ARHGAP39: variants seen among roughly 807,000 people sequenced by gnomAD.
ARHGAP39 encodes the protein rho GTPase-activating protein 39.
ARHGAP39 carries 44 observed loss-of-function variants against 106.9 expected under a neutral mutation model. The ratio of observed to expected loss-of-function variants is 0.41; its 90% CI spans 0.32 to 0.53. ARHGAP39 has a LOEUF of 0.53. Among genes scored for constraint, ARHGAP39 ranks in the 20% least tolerant of loss-of-function variants. The pLI is 0.21. For synonymous variants in ARHGAP39, 768 were observed against 693.2 expected (o/e 1.11, Z -1.69); for missense variants, 1,496 against 1,577.3 (o/e 0.95, Z 0.87).
At chr8:144,549,434 G>A (rs1817612646) in intron 4 of ARHGAP39, among the ~76,000 whole-genome samples, 1 of 152,234 alleles carries the variant, frequency 6.6e-6, no homozygotes, top group African/African-American at 2.4e-5. Context: ...CTTTTACCCT[G>A]TTTCCTCTCT....
At chr8:144,593,604 G>A (rs1159338235) in intron 2 of ARHGAP39, among the ~76,000 whole-genome samples, 1 of 152,064 alleles carries the variant, frequency 6.6e-6, no homozygotes, top group Admixed American at 6.6e-5. Flanking sequence ...AACTTTTGTG[G>A]CCACCCGAGA....
intron 1 of ARHGAP39, among the ~76,000 whole-genome samples, chr8:144,669,506 C>CAAAAAAAAAAAAAAAAAAAA (rs55678140): frequency 3.3e-5 from 2 of 59,732 alleles, no homozygotes; most frequent in African/African-American, 1.3e-4. Flanking sequence ...GACTCGGTCT[C>CAAAAAAAAAAAAAAAAAAAA]AAAAAAAAAA....
chr8:144,649,448 T>A (rs1174246959), intron 1 of ARHGAP39, among the ~76,000 whole-genome samples: 1 of 147,400 alleles, frequency 6.8e-6, no homozygotes, highest in African/African-American at 2.5e-5. Flanking sequence ...AGACTCCGTC[T>A]CAAAAAATAA....
At chr8:144,629,431 C>T (rs7012972) in intron 1 of ARHGAP39, among the ~76,000 whole-genome samples, 1 of 152,076 alleles carries the variant, frequency 6.6e-6, no homozygotes, top group African/African-American at 2.4e-5. Flanking sequence ...GGCTTGGCTG[C>T]ATGGGCCCTG....
intron 2 of ARHGAP39, among the ~76,000 whole-genome samples, chr8:144,583,573 C>T (rs116822696): frequency 0.03 from 4,607 of 152,316 alleles, 123 homozygotes; most frequent in Admixed American, 0.067. Context: ...TTCTCCTCCA[C>T]TTTAACCCAC....
At chr8:144,633,388 G>A (rs1325582166) in intron 1 of ARHGAP39, among the ~76,000 whole-genome samples, 4 of 152,018 alleles carry the variant, frequency 2.6e-5, no homozygotes, top group Non-Finnish European at 4.4e-5. Flanking sequence ...GAACCTGGGA[G>A]GCAGAGATTG....
At chr8:144,541,919 G>A (rs534536717) in intron 6 of ARHGAP39, among the ~76,000 whole-genome samples, 4 of 151,654 alleles carry the variant, frequency 2.6e-5, no homozygotes, top group Admixed American at 2.6e-4. Flanking sequence ...ATTATTTGAG[G>A]AACTGCCTAC....
intron 1 of ARHGAP39, among the ~76,000 whole-genome samples, chr8:144,643,528 T>C (rs1485411460): frequency 6.6e-6 from 1 of 152,126 alleles, no homozygotes; most frequent in African/African-American, 2.4e-5. Flanking sequence ...AGCCACCACT[T>C]TGGTTCTCAC....
At chr8:144,597,727 C>T (rs1819675563) in intron 2 of ARHGAP39, among the ~76,000 whole-genome samples, 1 of 152,152 alleles carries the variant, frequency 6.6e-6, no homozygotes, top group African/African-American at 2.4e-5. Context: ...ATTTCAGGAG[C>T]TCAGTTAGGA....
Position 144,547,579 on chromosome 8 carries a change from G to C in ARHGAP39, c.1507C>G (p.Gln503Glu). The change falls in exon 5 of 12, where the codon CAA becomes GAA. Residue 503 changes from glutamine (Q) to glutamate (E), a missense_variant. Gln to Glu is a conservative substitution (Grantham distance 29). Around this residue, in one of 4 missense-constraint regions of ARHGAP39, gnomAD observed 905 missense variants for 816.4 expected, o/e 1.11. Transcript: ENST00000377307. This position sits in a 1 kb window ranked among gnomAD's most constrained non-coding sequence, Gnocchi z 5.2. The part of the protein sequence containing the change: ...KRKSRKPSLC[Q>E]ATSATPTEGP... The stretch of plus-strand genomic sequence containing the variant: ...TCAGTGGGGGTGGCGCTGGTGGCTT[G>C]GCACAAAGAGGGCTTTCTGCTCTTC... 2 of 1,472,850 alleles carry C rather than the reference G, an allele frequency of 1.4e-6. No individual in the cohort carries two copies. The highest frequency in any genetic ancestry group is 1.8e-6 in the Non-Finnish European group (2 of 1,114,012). The allele number at this position is 1,472,850 out of a possible 1,614,324, so 91.2% of individuals were successfully genotyped here.
chr8:144,689,165 G>A (rs1269668472), upstream of ARHGAP39, among the ~76,000 whole-genome samples: 1 of 152,104 alleles, frequency 6.6e-6, no homozygotes, highest in Non-Finnish European at 1.5e-5. Flanking sequence ...TTACACATCC[G>A]TGTTCCTCTC....
chr8:144,548,980 ACTGACTGTCCTCCT>A lies in ARHGAP39; in HGVS notation c.597-505_597-492del. 6.6e-6 allele frequency among the ~76,000 whole-genome samples: 1 copy of A among 152,244 alleles called. No homozygotes were observed. The highest frequency in any genetic ancestry group is 2.4e-5 in the African/African-American group (1 of 41,528). On this transcript the variant is annotated intron_variant, in intron 4 of 11. Coordinates refer to ENST00000377307, the MANE Select transcript of ARHGAP39 (RefSeq NM_025251.3). The surrounding 1 kb of genome is among the most constrained non-coding windows in gnomAD (Gnocchi z 7.4). Reference sequence around the variant, plus strand: ...GGGAGCTCCTGTGAGCTCCAGAAAGACTGACTGTCCTCCTCTGACCCTGCCCCAGTCACCACGCT... The same window carrying A: ...GGGAGCTCCTGTGAGCTCCAGAAAGACTGACCCTGCCCCAGTCACCACGCT...
chr8:144,691,527 C>T, the ARHGAP39 span, among the ~76,000 whole-genome samples: 1 of 152,130 alleles, frequency 6.6e-6, no homozygotes, highest in African/African-American at 2.4e-5. Flanking sequence ...ACACCCAGCA[C>T]AGTCACAACA....
intron 3 of ARHGAP39, among the ~76,000 whole-genome samples, chr8:144,560,350 G>A (rs1337431529): frequency 6.6e-6 from 1 of 152,056 alleles, no homozygotes; most frequent in African/African-American, 2.4e-5. Context: ...CAGGAGAATC[G>A]CTTGAACCCA....
chr8:144,559,405 G>C (rs377589342), intron 3 of ARHGAP39, among the ~76,000 whole-genome samples: 1 of 137,510 alleles, frequency 7.3e-6, no homozygotes, highest in Non-Finnish European at 1.5e-5. Flanking sequence ...AAGCAGTGTA[G>C]TACTAGTAGA....
At chr8:144,613,307 T>G (rs752687380) in intron 1 of ARHGAP39, among the ~76,000 whole-genome samples, 21 of 152,256 alleles carry the variant, frequency 1.4e-4, no homozygotes, top group Non-Finnish European at 2.6e-4. Flanking sequence ...TCCAGTACTC[T>G]TCAATTTTCT....
chr8:144,664,098 C>T (rs151123625), intron 1 of ARHGAP39, among the ~76,000 whole-genome samples: 174 of 152,062 alleles, frequency 1.1e-3, no homozygotes, highest in African/African-American at 3.5e-3. Context: ...ACCCAGGAGG[C>T]GGAGGCTGCA....
intron 8 of ARHGAP39, 89 bp from the exon 9 acceptor site, chr8:144,533,414 T>A: frequency 7.6e-7 from 1 of 1,318,116 alleles, no homozygotes; most frequent in Non-Finnish European, 1.1e-6. Context: ...CGAACATAGG[T>A]GGGTGGCGCT....
chr8:144,627,568 A>AAG (rs1031276752), intron 1 of ARHGAP39, among the ~76,000 whole-genome samples: 6 of 150,638 alleles, frequency 4.0e-5, no homozygotes, highest in Non-Finnish European at 7.4e-5. Context: ...AAAAAAAAAA[A>AAG]AAAGAAAGGA....
Sources: allele counts gnomAD v4.1 joint callset (sites outside exome capture counted in the v4.1 genomes callset), GRCh38; gene constraint gnomAD v4.1.1; regional missense constraint gnomAD v4.1.1; non-coding constraint Gnocchi (gnomAD v3.1); transcripts MANE v1.5; gene names NCBI Gene and HGNC (gene_info 2026-07-23, HGNC 2026-07-21).